Variants in SRP19 observed in about 807,000 individuals in gnomAD.
The protein encoded by SRP19 is signal recognition particle 19 kDa protein.
SRP19 carries 11 observed loss-of-function variants against 22.4 expected under a neutral mutation model. The observed-to-expected ratio is 0.49, with a 90% CI of 0.31 to 0.81. The LOEUF (loss-of-function observed/expected upper bound fraction) is 0.81. Ranked by LOEUF, SRP19 falls within the 40% of genes least tolerant of loss-of-function variation. The pLI is 0.05. For synonymous variants in SRP19, 61 were observed against 57.6 expected (o/e 1.06, Z -0.27); for missense variants, 168 against 175.9 (o/e 0.96, Z 0.25).
chr5:112,866,982 C>T (rs532998477), intron 4 of SRP19, among the ~76,000 whole-genome samples: 15 of 145,598 alleles, frequency 1.0e-4, no homozygotes, highest in African/African-American at 3.6e-4. Flanking sequence ...TGATCTTACC[C>T]ATCGGATCGC....
At position 112,868,097 on chromosome 5, in the gene SRP19, C is replaced by G. The variant is rs1000573742; in HGVS notation, c.*560C>G. On this transcript the variant is annotated 3_prime_UTR_variant, in exon 5 of 5. Coordinates refer to ENST00000505459, the MANE Select transcript of SRP19 (RefSeq NM_003135.3). ...TGATATTTTAATATATTATTGTAAT[C>G]GAATCGTTCAGTTGTTTTTTGACAT... The G allele has an allele frequency of 8.1e-6, 8 of 985,200 alleles. No individual in the cohort carries two copies. Among genetic ancestry groups the G allele is most frequent in the Non-Finnish European group, 8.4e-6 (7 of 829,928 alleles). The allele number at this position is 985,200 out of a possible 1,614,324, so 61.0% of individuals were successfully genotyped here.
chr5:112,884,358 C>A (rs1768166255), intron 4 of SRP19, among the ~76,000 whole-genome samples: 2 of 151,978 alleles, frequency 1.3e-5, no homozygotes, highest in Admixed American at 6.6e-5. Flanking sequence ...AAGTATGATT[C>A]CCCATGGTTC....
chr5:112,862,067 G>T (rs980688042), intron 1 of SRP19, among the ~76,000 whole-genome samples: 1 of 152,204 alleles, frequency 6.6e-6, no homozygotes, highest in African/African-American at 2.4e-5. Flanking sequence ...TAGTTGTCCA[G>T]GTTCTTGGCG....
intron 2 of SRP19, among the ~76,000 whole-genome samples, chr5:112,863,688 AG>A (rs1463914688): frequency 6.6e-6 from 1 of 152,168 alleles, no homozygotes; most frequent in African/African-American, 2.4e-5. Flanking sequence ...TTTAAGAGAC[AG>A]GGTCTGGCTC....
downstream of SRP19, among the ~76,000 whole-genome samples, chr5:112,872,316 A>G (rs1452957515): frequency 7.4e-6 from 1 of 135,326 alleles, no homozygotes; most frequent in Non-Finnish European, 1.6e-5. Context: ...AGATCCCCAA[A>G]TGATTCTTTT....
At chr5:112,861,554 C>T in intron 1 of SRP19, 137 bp downstream of exon 1, 1 of 885,998 alleles carries the variant, frequency 1.1e-6, no homozygotes, top group Non-Finnish European at 1.7e-6. Context: ...CCCCGCGCCT[C>T]TCCCTGGCAG....
chr5:112,864,886 C>T (rs968967064), intron 4 of SRP19, 154 bp downstream of exon 4: 6 of 493,994 alleles, frequency 1.2e-5, no homozygotes, highest in Non-Finnish European at 1.8e-5. Context: ...AGCAGTAGTT[C>T]TAATTTCTTT....
Position 112,867,743 on chromosome 5 carries a change from AT to A in SRP19, c.*213del. 1 of 1,269,340 alleles carries A rather than the reference AT, an allele frequency of 7.9e-7. No homozygotes were observed. The highest frequency in any genetic ancestry group is 9.9e-7 in the Non-Finnish European group (1 of 1,006,662). The allele number at this position is 1,269,340 out of a possible 1,614,324, so 78.6% of individuals were successfully genotyped here. A position where few individuals can be genotyped will look rare whatever the true frequency, so the allele number is the denominator to read the frequency against. ...TCTCGCGTATATGCCGTATAAAAGA[AT>A]TTTTTTGTCTTTCAATGCAGTTTTT... On this transcript the variant is annotated 3_prime_UTR_variant, in exon 5 of 5. Coordinates refer to ENST00000505459, the MANE Select transcript of SRP19 (RefSeq NM_003135.3).
chr5:112,888,245 T>C (rs1768321792), intron 4 of SRP19, among the ~76,000 whole-genome samples: 1 of 152,238 alleles, frequency 6.6e-6, no homozygotes, highest in African/African-American at 2.4e-5. Context: ...TCTAAGACAG[T>C]CTTTCAGGTG....
At chr5:112,880,289 G>A (rs1768030018) in intron 4 of SRP19, among the ~76,000 whole-genome samples, 1 of 152,180 alleles carries the variant, frequency 6.6e-6, no homozygotes, top group South Asian at 2.1e-4. Flanking sequence ...TTCTGCAGGA[G>A]ACCAAGCCTT....
At chr5:112,889,081 A>G (rs1161718908) in intron 4 of SRP19, among the ~76,000 whole-genome samples, 1 of 150,748 alleles carries the variant, frequency 6.6e-6, no homozygotes, top group Non-Finnish European at 1.5e-5. Flanking sequence ...TTCATCTTCC[A>G]CCATGATTGT....
intron 4 of SRP19, chr5:112,878,543 AC>A (rs1404849465): frequency 2.0e-6 from 1 of 504,360 alleles, no homozygotes; most frequent in African/African-American, 1.9e-5. Flanking sequence ...ATCTTTTCCT[AC>A]CCAGAGGCAA....
chr5:112,875,837 G>A (rs1433182157), intron 4 of SRP19, among the ~76,000 whole-genome samples: 1 of 151,820 alleles, frequency 6.6e-6, no homozygotes, highest in African/African-American at 2.4e-5. Flanking sequence ...ATGAGGTCAG[G>A]AGATCGAGAC....
chr5:112,867,492 A>G lies in SRP19; in HGVS notation c.390A>G (p.Gln130=), dbSNP rs746455180. ...QKTGGADQSL[Q]QGEGSKKGKG... ...CAGGAGGTGCTGACCAAAGTCTTCA[A>G]CAAGGAGAGGGAAGTAAAAAAGGGA... Residue 130 remains glutamine, a synonymous_variant, in exon 5 of 5, where the codon CAA becomes CAG. Coordinates refer to ENST00000505459, the MANE Select transcript of SRP19 (RefSeq NM_003135.3). The G allele has an allele frequency of 6.2e-7, 1 of 1,613,804 alleles. No individual in the cohort carries two copies. The highest frequency in any genetic ancestry group is 1.7e-5 in the Admixed American group (1 of 60,002).
At position 112,864,446 on chromosome 5, in the gene SRP19, T is replaced by C. The variant is rs1164043712; in HGVS notation, c.118-11T>C. 7 of 1,611,604 alleles carry C rather than the reference T, an allele frequency of 4.3e-6. No individual in the cohort carries two copies. In the East Asian group the frequency reaches 1.3e-4, roughly 31 times the overall value. On this transcript the variant is annotated splice_polypyrimidine_tract_variant and intron_variant, in intron 2 of 4. Coordinates refer to ENST00000505459, the MANE Select transcript of SRP19 (RefSeq NM_003135.3). The stretch of plus-strand genomic sequence containing the variant: ...CACATATATTTAGTGTTTATGTTTT[T>C]AACTGTTCAGGCTGTTGAAAATCCT...
Position 112,862,495 on chromosome 5 carries a change from T to A in SRP19, c.42-13T>A. ...TGCTCTAGTGATACCACTTATGCTA[T>A]TGTCTATGGCAGGTTTATTTGTATC... On this transcript the variant is annotated splice_polypyrimidine_tract_variant and intron_variant, in intron 1 of 4. Transcript: ENST00000505459. 1 of 1,612,682 alleles carries A rather than the reference T, an allele frequency of 6.2e-7. No individual in the cohort carries two copies.
At chr5:112,887,331 T>C in intron 4 of SRP19, 1 of 721,058 alleles carries the variant, frequency 1.4e-6, no homozygotes, top group Non-Finnish European at 2.0e-6. Context: ...AGGTTAAAGG[T>C]GGGCTTTCTT....
intron 4 of SRP19, among the ~76,000 whole-genome samples, chr5:112,890,535 G>A (rs937864504): frequency 2.0e-5 from 3 of 150,140 alleles, no homozygotes; most frequent in South Asian, 2.1e-4. Flanking sequence ...GCACCATCAC[G>A]TCTGGCTAAT....
chr5:112,870,702 A>C (rs1275643575), downstream of SRP19, among the ~76,000 whole-genome samples: 1 of 152,160 alleles, frequency 6.6e-6, no homozygotes, highest in African/African-American at 2.4e-5. Flanking sequence ...GAATGGATTA[A>C]TGTTACTATC....
Sources: allele counts gnomAD v4.1 joint callset (sites outside exome capture counted in the v4.1 genomes callset), GRCh38; gene constraint gnomAD v4.1.1; transcripts MANE v1.5; gene names NCBI Gene and HGNC (gene_info 2026-07-23, HGNC 2026-07-21).